Variants in SEMA4D observed in about 807,000 individuals in gnomAD.
SEMA4D encodes semaphorin 4D, also known as semaphorin-4D.
In SEMA4D, 22 loss-of-function variants were observed where a neutral mutation model predicts 74.8. The ratio of observed to expected loss-of-function variants is 0.29; its 90% CI spans 0.21 to 0.42. SEMA4D has a LOEUF of 0.42. SEMA4D is among the 10% of genes least tolerant of loss of function. SEMA4D has a pLI of 1.00. For synonymous variants in SEMA4D, 445 were observed against 463.7 expected, an observed-to-expected ratio of 0.96 and a Z score of 0.52; for missense variants, 937 against 1,118.4, an observed-to-expected ratio of 0.84 and a Z score of 2.31.
chr9:89,494,118 C>T (rs1237706174), intron 1 of SEMA4D, among the ~76,000 whole-genome samples: 1 of 152,290 alleles, frequency 6.6e-6, no homozygotes, highest in East Asian at 1.9e-4. Context: ...CGTGTAGAAA[C>T]ATGAACTTCC....
At chr9:89,361,465 A>AG (rs1256225843) in exon 19 of SEMA4D, 4 of 152,226 alleles carry the variant, frequency 2.6e-5, no homozygotes, top group Non-Finnish European at 4.4e-5. Flanking sequence ...ACAGACAAGA[A>AG]GAGACGTGTG....
chr9:89,413,602 T>C (rs1201996171), intron 2 of SEMA4D, among the ~76,000 whole-genome samples: 2 of 152,270 alleles, frequency 1.3e-5, no homozygotes, highest in Non-Finnish European at 2.9e-5. Flanking sequence ...TATGTCTGCA[T>C]GTCTGCACAT....
intron 1 of SEMA4D, among the ~76,000 whole-genome samples, chr9:89,494,443 A>T (rs1339615461): frequency 1.3e-5 from 2 of 152,200 alleles, no homozygotes; most frequent in Admixed American, 6.5e-5. Context: ...TGATCTGCTG[A>T]ATACCAGGTG....
chr9:89,425,027 T>C (rs1847814005), intron 2 of SEMA4D, among the ~76,000 whole-genome samples: 1 of 152,136 alleles, frequency 6.6e-6, no homozygotes, highest in Admixed American at 6.5e-5. Context: ...TTCCCCTCTT[T>C]CTGTGGAACA....
Position 89,484,389 on chromosome 9 carries a change from GTGT to G in SEMA4D, c.-310+13527_-310+13529del, listed in dbSNP as rs1326266372. Among the ~76,000 whole-genome samples, 1 of 152,134 alleles carries G rather than the reference GTGT, an allele frequency of 6.6e-6. No individual in the cohort carries two copies. Among genetic ancestry groups the G allele is most frequent in the African/African-American group, 2.4e-5 (1 of 41,436 alleles). ...GGCACGTGCAGCATATGACTGTGTG[GTGT>G]TATGTGTGGGGTTTGATGTGTGGTG... On this transcript the variant is annotated intron_variant, in intron 1 of 15. Transcript: ENST00000422704. The surrounding 1 kb of genome is among the most constrained non-coding windows in gnomAD (Gnocchi z 4.1).
chr9:89,382,594 C>T (rs1465590127), intron 13 of SEMA4D, among the ~76,000 whole-genome samples: 1 of 152,206 alleles, frequency 6.6e-6, no homozygotes, highest in Admixed American at 6.5e-5. Flanking sequence ...GCAGCAGCAG[C>T]AGCAGAGACC....
At chr9:89,487,368 A>C (rs1203880990) in intron 1 of SEMA4D, among the ~76,000 whole-genome samples, 1 of 152,106 alleles carries the variant, frequency 6.6e-6, no homozygotes, top group African/African-American at 2.4e-5. Context: ...TCAACAAATT[A>C]AAAAACTTCC....
chr9:89,391,336 G>A lies in SEMA4D; in HGVS notation c.702C>T (p.Phe234=). 1 of 1,614,244 alleles carries A rather than the reference G, an allele frequency of 6.2e-7. No homozygotes were observed. The highest frequency in any genetic ancestry group is 8.5e-7 in the Non-Finnish European group (1 of 1,180,032). Residue 234 remains phenylalanine (F), a synonymous_variant, in exon 9 of 16, where the codon TTC becomes TTT. Transcript: ENST00000422704. ...CATACTCCACAGACACCTCCGTGAA[G>A]AAGAAGTAGACCCTGTCATCCTCGC... ...PDGEDDRVYF[F]FTEVSVEYEF...
chr9:89,481,142 T>G (rs1307392475), intron 1 of SEMA4D, among the ~76,000 whole-genome samples: 1 of 152,212 alleles, frequency 6.6e-6, no homozygotes. Context: ...GAGTGGACCC[T>G]GTGCAGCCAG....
At chr9:89,478,881 T>G (rs1033487732) in intron 1 of SEMA4D, among the ~76,000 whole-genome samples, 15 of 150,810 alleles carry the variant, frequency 9.9e-5, no homozygotes, top group African/African-American at 3.7e-4. Flanking sequence ...GCCTGCAACA[T>G]GTTACTACAC....
At chr9:89,431,891 A>G (rs1449922506) in intron 2 of SEMA4D, among the ~76,000 whole-genome samples, 2 of 152,212 alleles carry the variant, frequency 1.3e-5, no homozygotes, top group Non-Finnish European at 2.9e-5. Flanking sequence ...ACACGTTCCC[A>G]GCCCCTCCCT....
Position 89,428,371 on chromosome 9 carries a change from G to A in SEMA4D, c.-243-22672C>T, listed in dbSNP as rs545262406. 7.9e-5 allele frequency among the ~76,000 whole-genome samples: 12 copies of A among 152,334 alleles called. 1 individual carries two copies. In the South Asian group the frequency reaches 1.9e-3, roughly 24 times the overall value. On this transcript the variant is annotated intron_variant, in intron 2 of 15. Coordinates refer to ENST00000422704, the MANE Select transcript of SEMA4D (RefSeq NM_001371194.2). The stretch of plus-strand genomic sequence containing the variant: ...GCAGGGGAACCTGAACTGGAAGGAC[G>A]AGGGCAAGACCCATATGACCTGCCA...
chr9:89,472,147 C>T (rs1184373200), intron 1 of SEMA4D: 1 of 186,080 alleles, frequency 5.4e-6, no homozygotes, highest in Non-Finnish European at 1.1e-5. Context: ...TTAAAAGAGT[C>T]ATGCTCTTTG....
chr9:89,386,335 A>G (rs1208312587), intron 13 of SEMA4D, 32 bp downstream of exon 13: 1 of 1,514,762 alleles, frequency 6.6e-7, no homozygotes, highest in East Asian at 2.3e-5. Flanking sequence ...CGAGCGGAGA[A>G]GCCCCCGGTC....
intron 2 of SEMA4D, among the ~76,000 whole-genome samples, chr9:89,442,948 C>CT (rs1165067116): frequency 6.6e-6 from 1 of 152,236 alleles, no homozygotes; most frequent in Non-Finnish European, 1.5e-5. Flanking sequence ...GCCTGTGAGA[C>CT]TTTTAAGGGC....
chr9:89,403,896 T>C (rs575567191), intron 3 of SEMA4D, among the ~76,000 whole-genome samples: 16 of 152,166 alleles, frequency 1.1e-4, no homozygotes, highest in Non-Finnish European at 1.9e-4. Flanking sequence ...CCCACTGCAC[T>C]CTAGCCTGGG....
chr9:89,440,629 C>T (rs184808068), intron 2 of SEMA4D, among the ~76,000 whole-genome samples: 249 of 152,310 alleles, frequency 1.6e-3, no homozygotes, highest in African/African-American at 5.7e-3. Context: ...CTGAGCTCCC[C>T]GGCACCTCGT....
At chr9:89,433,823 C>T (rs1450528860) in intron 2 of SEMA4D, among the ~76,000 whole-genome samples, 1 of 152,176 alleles carries the variant, frequency 6.6e-6, no homozygotes, top group Non-Finnish European at 1.5e-5. Flanking sequence ...CAGTATCTCT[C>T]AAAGCCTCTG....
intron 13 of SEMA4D, chr9:89,384,500 G>C (rs1837963833): frequency 3.8e-6 from 1 of 266,538 alleles, no homozygotes. Flanking sequence ...TGAAGAGTTT[G>C]TATTTCACAG....
Sources: gnomAD v4.1 joint callset for allele counts (sites outside exome capture counted in the v4.1 genomes callset) on GRCh38, gnomAD v4.1.1 for gene constraint, Gnocchi (gnomAD v3.1) non-coding constraint, MANE v1.5 for transcripts, NCBI Gene and HGNC (gene_info 2026-07-23, HGNC 2026-07-21) for gene names.